Variants in DSTN observed in about 807,000 individuals in gnomAD.
The protein encoded by DSTN is destrin, actin depolymerizing factor, also known as destrin.
Under a neutral mutation model 16.8 loss-of-function variants are expected in DSTN, and 10 were observed. The observed-to-expected ratio is 0.60, with a 90% CI of 0.37 to 1.01. The LOEUF (loss-of-function observed/expected upper bound fraction) is 1.01. Ranked by LOEUF, DSTN falls within the 50% of genes least tolerant of loss-of-function variation. DSTN has a pLI of 0.01. For missense variants in DSTN, 141 were observed against 196.7 expected (o/e 0.72, Z 1.69); for synonymous variants, 57 against 58.9 (o/e 0.97, Z 0.14).
At position 17,609,236 on chromosome 20, in the gene DSTN, C is replaced by CTCTT. The variant is rs1230482049; in HGVS notation, c.*2093_*2096dup. ...TTTTGTTTTTTGAGACAGGGTCTCA[C>CTCTT]TCTTTCCCCCAGGCTAGAGTGCAGT... On this transcript the variant is annotated 3_prime_UTR_variant, in exon 4 of 4. Transcript: ENST00000246069. 1.3e-5 allele frequency: 2 copies of CTCTT among 152,190 alleles called. No individual in the cohort carries two copies. The highest frequency in any genetic ancestry group is 4.8e-5 in the African/African-American group (2 of 41,448). 9.4% of individuals were successfully genotyped at this position (152,190 alleles called of 1,614,324 possible).
chr20:17,606,000 T>C (rs1398471366), intron 3 of DSTN, among the ~76,000 whole-genome samples: 2 of 151,758 alleles, frequency 1.3e-5, no homozygotes, highest in Non-Finnish European at 2.9e-5. Context: ...CCCAGCTACT[T>C]GGGAGGCTGA....
chr20:17,605,641 A>AC (rs2035634188), intron 3 of DSTN, among the ~76,000 whole-genome samples: 1 of 151,856 alleles, frequency 6.6e-6, no homozygotes, highest in African/African-American at 2.4e-5. Context: ...GATGTTTGGC[A>AC]ACCCCCAGAA....
At chr20:17,601,378 T>C (rs770754811) in intron 2 of DSTN, among the ~76,000 whole-genome samples, 1 of 152,052 alleles carries the variant, frequency 6.6e-6, no homozygotes, top group African/African-American at 2.4e-5. Context: ...AACCCTACTT[T>C]TCCAACGAGC....
chr20:17,595,516 A>T (rs2122196260), intron 1 of DSTN, among the ~76,000 whole-genome samples: 1 of 152,046 alleles, frequency 6.6e-6, no homozygotes, highest in Non-Finnish European at 1.5e-5. Flanking sequence ...AGTGATTAAG[A>T]TTATCTCCTC....
intron 1 of DSTN, among the ~76,000 whole-genome samples, chr20:17,574,396 G>A (rs2035243346): frequency 1.3e-5 from 2 of 152,138 alleles, no homozygotes; most frequent in East Asian, 3.8e-4. Context: ...TTAGGACAGA[G>A]TTCTTTCCTT....
At chr20:17,605,917 A>G (rs558656678) in intron 3 of DSTN, among the ~76,000 whole-genome samples, 1 of 151,956 alleles carries the variant, frequency 6.6e-6, no homozygotes, top group African/African-American at 2.4e-5. Context: ...AGCCTGACCA[A>G]CATGGTGAAA....
chr20:17,594,083 A>AAATAAAT (rs2035499853), intron 1 of DSTN, among the ~76,000 whole-genome samples: 1 of 1,750 alleles, frequency 5.7e-4, no homozygotes, highest in Non-Finnish European at 3.8e-3. Flanking sequence ...CGTATCTCAA[A>AAATAAAT]AATAAATAAA....
chr20:17,606,983 AAG>A, intron 3 of DSTN, 52 bp from the exon 4 acceptor site: 1 of 1,577,940 alleles, frequency 6.3e-7, no homozygotes. Flanking sequence ...ATCTTAGAGA[AAG>A]AGGTAAACTG....
At chr20:17,586,606 AT>A (rs2035411317) in intron 1 of DSTN, among the ~76,000 whole-genome samples, 1 of 152,202 alleles carries the variant, frequency 6.6e-6, no homozygotes, top group Non-Finnish European at 1.5e-5. Flanking sequence ...CGTAGTTTTG[AT>A]TATCAGAGAA....
At chr20:17,571,195 G>A (rs185917040) in intron 1 of DSTN, among the ~76,000 whole-genome samples, 15 of 152,252 alleles carry the variant, frequency 9.9e-5, no homozygotes, top group Non-Finnish European at 7.4e-5. Flanking sequence ...TGTCGTTTTC[G>A]TTAGTGTGCA....
chr20:17,572,374 C>T (rs1487273161), intron 1 of DSTN, among the ~76,000 whole-genome samples: 1 of 151,902 alleles, frequency 6.6e-6, no homozygotes, highest in Non-Finnish European at 1.5e-5. Flanking sequence ...CCTCCTTATA[C>T]AGAGATTGTT....
At chr20:17,575,534 A>G (rs1391564372) in intron 1 of DSTN, among the ~76,000 whole-genome samples, 1 of 151,476 alleles carries the variant, frequency 6.6e-6, no homozygotes, top group Non-Finnish European at 1.5e-5. Flanking sequence ...CGTGAACACA[A>G]CTCACTGCAT....
chr20:17,595,450 A>G (rs2035516090), intron 1 of DSTN, among the ~76,000 whole-genome samples: 1 of 152,082 alleles, frequency 6.6e-6, no homozygotes, highest in Non-Finnish European at 1.5e-5. Flanking sequence ...TAACTCTCCC[A>G]TCTGTGCTGT....
At chr20:17,605,432 G>C (rs1002373030) in intron 3 of DSTN, among the ~76,000 whole-genome samples, 2 of 152,206 alleles carry the variant, frequency 1.3e-5, no homozygotes, top group African/African-American at 4.8e-5. Flanking sequence ...ACAGCTGAGT[G>C]AGCCAAGGTC....
chr20:17,589,368 G>T (rs1187149819), intron 1 of DSTN, among the ~76,000 whole-genome samples: 1 of 152,024 alleles, frequency 6.6e-6, no homozygotes, highest in African/African-American at 2.4e-5. Context: ...ACACCACCAT[G>T]CCTGGCTAAT....
intron 1 of DSTN, chr20:17,591,789 A>T: frequency 1.6e-6 from 1 of 633,602 alleles, no homozygotes; most frequent in Non-Finnish European, 2.0e-6. Flanking sequence ...AAGGTGACAT[A>T]GCTAGTTAGT....
chr20:17,572,444 T>G (rs2035217668), intron 1 of DSTN, among the ~76,000 whole-genome samples: 1 of 152,218 alleles, frequency 6.6e-6, no homozygotes, highest in Non-Finnish European at 1.5e-5. Flanking sequence ...GGATATGGAT[T>G]GAGACATCAC....
At chr20:17,571,687 T>G (rs1330293047) in intron 1 of DSTN, among the ~76,000 whole-genome samples, 1 of 152,236 alleles carries the variant, frequency 6.6e-6, no homozygotes, top group Non-Finnish European at 1.5e-5. Context: ...CTCTAGAGAC[T>G]TCTGATTTGA....
intron 1 of DSTN, among the ~76,000 whole-genome samples, chr20:17,593,771 G>T (rs751141391): frequency 2.0e-5 from 3 of 152,100 alleles, no homozygotes; most frequent in Non-Finnish European, 2.9e-5. Context: ...AAAGAGGTAG[G>T]TATAGCCAAA....
Sources: gnomAD v4.1 joint callset for allele counts (sites outside exome capture counted in the v4.1 genomes callset) on GRCh38, gnomAD v4.1.1 for gene constraint, MANE v1.5 for transcripts, NCBI Gene and HGNC (gene_info 2026-07-23, HGNC 2026-07-21) for gene names.